The following COL4A6 variants were observed in gnomAD, a reference collection of about 807,000 sequenced individuals.
COL4A6 encodes collagen alpha-6(IV) chain.
A neutral mutation model predicts 126.7 loss-of-function variants in COL4A6; 59 were observed. That is an observed-to-expected ratio of 0.47 (90% CI 0.38 to 0.58). COL4A6 has a LOEUF of 0.58. Among genes scored for constraint, COL4A6 ranks in the 20% least tolerant of loss-of-function variants. COL4A6 has a pLI of 0.00. For synonymous variants in COL4A6, 547 were observed against 496.6 expected (o/e 1.10, Z -1.35); for missense variants, 1,285 against 1,337.3 (o/e 0.96, Z 0.61).
At chrX:108,419,085 T>C (rs764506380) in intron 2 of COL4A6, among the ~76,000 whole-genome samples, 1 of 112,587 alleles carries the variant, frequency 8.9e-6, no homozygotes, top group Non-Finnish European at 1.9e-5. Context: ...TAGAGCTTTA[T>C]AGTAAACTAT....
intron 2 of COL4A6, among the ~76,000 whole-genome samples, chrX:108,365,941 C>A (rs967588493): frequency 2.7e-5 from 3 of 111,241 alleles, no homozygotes; most frequent in Non-Finnish European, 5.7e-5. Context: ...AAAAGAGTAT[C>A]TCCAGGAGAG....
At chrX:108,169,032 T>C (rs2034213605) in intron 37 of COL4A6, among the ~76,000 whole-genome samples, 1 of 111,281 alleles carries the variant, frequency 9.0e-6, no homozygotes, top group Admixed American at 9.5e-5. Context: ...TAGTTGAGGG[T>C]ATGCTGTGGT....
At chrX:108,191,570 T>C (rs1410477035) in intron 18 of COL4A6, 37 bp from the exon 19 acceptor site, 2 of 1,173,222 alleles carry the variant, frequency 1.7e-6, no homozygotes, top group African/African-American at 3.6e-5. Context: ...GCTCATTATA[T>C]CACCTTACTC....
intron 3 of COL4A6, among the ~76,000 whole-genome samples, chrX:108,244,346 C>CT (rs1228565062): frequency 9.0e-6 from 1 of 111,500 alleles, no homozygotes; most frequent in Non-Finnish European, 1.9e-5. Flanking sequence ...AACCCATAGT[C>CT]TTTTTTTGGT....
intron 2 of COL4A6, among the ~76,000 whole-genome samples, chrX:108,329,307 G>T (rs753232743): frequency 9.0e-6 from 1 of 111,730 alleles, no homozygotes; most frequent in Non-Finnish European, 1.9e-5. Flanking sequence ...ATTTATATAT[G>T]TATGGAAACA....
chrX:108,277,286 CA>C (rs1480379812), intron 3 of COL4A6, among the ~76,000 whole-genome samples: 1 of 111,851 alleles, frequency 8.9e-6, no homozygotes, highest in East Asian at 2.8e-4. Context: ...ACTCCCACCC[CA>C]ATACTGCGCT....
intron 2 of COL4A6, among the ~76,000 whole-genome samples, chrX:108,317,659 T>C (rs1240304295): frequency 9.0e-6 from 1 of 111,414 alleles, no homozygotes; most frequent in Non-Finnish European, 1.9e-5. Context: ...TAGCCAGTTT[T>C]CCCAGCACCA....
Position 108,398,078 on chromosome X carries a change from C to T in COL4A6, c.63+39864G>A, listed in dbSNP as rs533877955. On this transcript the variant is annotated intron_variant, in intron 2 of 44. Coordinates refer to ENST00000334504, the MANE Select transcript of COL4A6 (RefSeq NM_033641.4). ...ATTGTTAAAGAGTAAAACACAAAGCCGTGAGCAATATATGTTAAAATAGTT... is the reference window on the plus strand; with the variant it reads ...ATTGTTAAAGAGTAAAACACAAAGCTGTGAGCAATATATGTTAAAATAGTT... Among the ~76,000 whole-genome samples, 12 of 112,018 alleles carry T rather than the reference C, an allele frequency of 1.1e-4. No individual in the cohort carries two copies. The South Asian group carries it at 4.4e-3, about 42-fold the overall frequency.
At chrX:108,291,930 G>A (rs1458641911) in intron 3 of COL4A6, among the ~76,000 whole-genome samples, 3 of 111,717 alleles carry the variant, frequency 2.7e-5, no homozygotes, top group Non-Finnish European at 5.6e-5. Flanking sequence ...TTTATTGTAG[G>A]TGGCATTTTA....
At chrX:108,362,812 A>T (rs2040117643) in intron 2 of COL4A6, among the ~76,000 whole-genome samples, 1 of 111,633 alleles carries the variant, frequency 9.0e-6, no homozygotes. Context: ...TAACCTGTCC[A>T]GGAGTCTTTT....
chrX:108,283,671 A>T (rs1156461925), intron 3 of COL4A6, among the ~76,000 whole-genome samples: 1 of 110,752 alleles, frequency 9.0e-6, no homozygotes, highest in Non-Finnish European at 1.9e-5. Flanking sequence ...CCTAAAGCTG[A>T]TCATGTGAGA....
intron 29 of COL4A6, 148 bp from the exon 30 acceptor site, chrX:108,175,363 C>A (rs1282554873): frequency 2.7e-5 from 20 of 734,332 alleles, no homozygotes; most frequent in Non-Finnish European, 3.3e-5. Context: ...CCCAACTTCA[C>A]ATTTCTGTGT....
chrX:108,198,204 T>A (rs2035281306), intron 13 of COL4A6, among the ~76,000 whole-genome samples: 1 of 111,740 alleles, frequency 8.9e-6, no homozygotes, highest in South Asian at 3.8e-4. Flanking sequence ...TCTGAACACA[T>A]ACAAGGTGGT....
chrX:108,415,681 A>T (rs2041421305), intron 2 of COL4A6, among the ~76,000 whole-genome samples: 1 of 112,228 alleles, frequency 8.9e-6, no homozygotes, highest in African/African-American at 3.2e-5. Context: ...CTTAAAGTTC[A>T]CTCTGGAAGA....
chrX:108,376,314 G>A (rs2040432353), intron 2 of COL4A6, among the ~76,000 whole-genome samples: 1 of 111,248 alleles, frequency 9.0e-6, no homozygotes, highest in Non-Finnish European at 1.9e-5. Context: ...TTCAAGACAC[G>A]CTGAATGTGG....
intron 2 of COL4A6, among the ~76,000 whole-genome samples, chrX:108,410,658 C>T (rs762401198): frequency 1.8e-5 from 2 of 111,208 alleles, no homozygotes; most frequent in Non-Finnish European, 3.8e-5. Context: ...CCCTTTCCCA[C>T]CAATGTTATG....
intron 27 of COL4A6, among the ~76,000 whole-genome samples, chrX:108,178,457 G>C (rs964345116): frequency 8.9e-6 from 1 of 112,694 alleles, no homozygotes; most frequent in East Asian, 2.8e-4. Context: ...GAGGAGGCGG[G>C]GGGAGGGGAA....
chrX:108,290,503 C>T (rs7051342), intron 3 of COL4A6, among the ~76,000 whole-genome samples: 7,607 of 111,859 alleles, frequency 0.068, 587 homozygotes, highest in African/African-American at 0.22. Context: ...TCAGAGCTAA[C>T]GTTTAATGAG....
In COL4A6 at chrX:108,234,311, G is replaced by C. The variant is rs1025411287; in HGVS notation, c.145-12937C>G. 6.5e-4 allele frequency among the ~76,000 whole-genome samples: 73 copies of C among 111,498 alleles called. 3 individuals carry two copies. Among genetic ancestry groups the C allele is most frequent in the Non-Finnish European group, 1.3e-4 (7 of 53,054 alleles). On this transcript the variant is annotated intron_variant, in intron 3 of 44. Coordinates refer to ENST00000334504, the MANE Select transcript of COL4A6 (RefSeq NM_033641.4). Reference sequence around the variant, plus strand: ...TTAATAAAGTGATAGGTCAATTCTTGGTCAAAAATTCCAGATAAAATGTCA... The same window carrying C: ...TTAATAAAGTGATAGGTCAATTCTTCGTCAAAAATTCCAGATAAAATGTCA...
Sources: allele counts gnomAD v4.1 joint callset (sites outside exome capture counted in the v4.1 genomes callset), GRCh38; gene constraint gnomAD v4.1.1; transcripts MANE v1.5; gene names NCBI Gene and HGNC (gene_info 2026-07-23, HGNC 2026-07-21).